ELP3: variants seen among roughly 807,000 people sequenced by gnomAD.
ELP3 encodes the protein elongator complex protein 3.
Under a neutral mutation model 74.9 loss-of-function variants are expected in ELP3, and 56 were observed. The observed-to-expected ratio is 0.75, with a 90% confidence interval of 0.60 to 0.93. The LOEUF (loss-of-function observed/expected upper bound fraction) is 0.93, where lower values mean the gene tolerates loss of function less well. Ranked by LOEUF, ELP3 falls within the 40% of genes least tolerant of loss-of-function variation. The probability of loss-of-function intolerance (pLI) is 0.00; values close to 1 mark genes in which losing one functional copy is unlikely to be tolerated. For synonymous variants in ELP3, 222 were observed against 239.8 expected, an observed-to-expected ratio of 0.93 and a Z score of 0.68; for missense variants, 573 against 686.5, an observed-to-expected ratio of 0.83 and a Z score of 1.85.
intron 10 of ELP3, among the ~76,000 whole-genome samples, chr8:28,153,109 T>C (rs188519939): frequency 4.9e-4 from 75 of 152,358 alleles, no homozygotes; most frequent in Non-Finnish European, 9.8e-4. Flanking sequence ...AGATGTCATA[T>C]CCTAGAAAAT....
chr8:28,180,676 G>A (rs188571502), intron 14 of ELP3, among the ~76,000 whole-genome samples: 1 of 152,260 alleles, frequency 6.6e-6, no homozygotes, highest in East Asian at 1.9e-4. Flanking sequence ...GGTGATGCTA[G>A]CTTCCTCCAA....
At chr8:28,149,614 A>G (rs1356453925) in intron 10 of ELP3, among the ~76,000 whole-genome samples, 1 of 152,192 alleles carries the variant, frequency 6.6e-6, no homozygotes, top group Non-Finnish European at 1.5e-5. Context: ...GGTCTCTTCA[A>G]AGAACCAGTT....
chr8:28,121,422 A>G (rs1585667479), intron 7 of ELP3, among the ~76,000 whole-genome samples: 4 of 151,114 alleles, frequency 2.6e-5, no homozygotes, highest in African/African-American at 7.3e-5. Context: ...TGGGCTCAAG[A>G]CATTCTCCTG....
chr8:28,187,474 C>T (rs1815284884), intron 14 of ELP3, among the ~76,000 whole-genome samples: 1 of 152,196 alleles, frequency 6.6e-6, no homozygotes, highest in Non-Finnish European at 1.5e-5. Context: ...GACCAGCATC[C>T]TCTCATTCTT....
At chr8:28,152,215 CCTT>C (rs1321269292) in intron 10 of ELP3, among the ~76,000 whole-genome samples, 2 of 152,138 alleles carry the variant, frequency 1.3e-5, no homozygotes, top group African/African-American at 2.4e-5. Context: ...AGAGTGTTGA[CCTT>C]CTATTTGTTC....
At chr8:28,172,080 T>G (rs1053952844) in intron 14 of ELP3, among the ~76,000 whole-genome samples, 2 of 152,110 alleles carry the variant, frequency 1.3e-5, no homozygotes, top group African/African-American at 4.8e-5. Flanking sequence ...AATTGGGAAG[T>G]ATGAGTCTCC....
chr8:28,097,151 C>A, intron 1 of ELP3, 68 bp from the exon 2 acceptor site: 1 of 1,107,550 alleles, frequency 9.0e-7, no homozygotes, highest in Non-Finnish European at 1.3e-6. Context: ...AAAACTGCTA[C>A]TAAATCAGAT....
chr8:28,099,816 C>T lies in ELP3; in HGVS notation c.120-12C>T, dbSNP rs753441537. ...ACCGTAATCTTGATAATGTGAGATG[C>T]TTTACTTTCAGGGTGAAAACCAAGA... On this transcript the variant is annotated splice_polypyrimidine_tract_variant and intron_variant, in intron 2 of 14. Transcript: ENST00000256398. 55 of 1,613,950 alleles carry T rather than the reference C, an allele frequency of 3.4e-5. No individual in the cohort carries two copies. The highest frequency in any genetic ancestry group is 4.6e-5 in the Non-Finnish European group (54 of 1,180,022).
intron 10 of ELP3, among the ~76,000 whole-genome samples, chr8:28,146,735 T>C (rs1813448142): frequency 6.6e-6 from 1 of 152,202 alleles, no homozygotes; most frequent in Non-Finnish European, 1.5e-5. Context: ...CTCTTTTCAT[T>C]TTCAGTGAAA....
intron 10 of ELP3, among the ~76,000 whole-genome samples, chr8:28,146,330 T>C (rs1026465773): frequency 1.3e-5 from 2 of 152,198 alleles, no homozygotes; most frequent in African/African-American, 4.8e-5. Flanking sequence ...CATGAAACAT[T>C]AGAATAGGAA....
chr8:28,177,653 C>T (rs1814815171), intron 14 of ELP3, among the ~76,000 whole-genome samples: 1 of 152,138 alleles, frequency 6.6e-6, no homozygotes, highest in African/African-American at 2.4e-5. Flanking sequence ...GATGTGGGCT[C>T]AATTTTAATT....
intron 7 of ELP3, among the ~76,000 whole-genome samples, chr8:28,120,114 T>G (rs1225312567): frequency 6.6e-6 from 1 of 152,190 alleles, no homozygotes; most frequent in Admixed American, 6.5e-5. Context: ...GGGGAATAAA[T>G]AGACATAGAA....
At chr8:28,119,573 TATATATATA>T (rs1812276211) in intron 7 of ELP3, among the ~76,000 whole-genome samples, 1 of 190 alleles carries the variant, frequency 5.3e-3, no homozygotes, top group Admixed American at 0.036. Flanking sequence ...TGTGGCGTTT[TATATATATA>T]TATATATATA....
intron 9 of ELP3, among the ~76,000 whole-genome samples, chr8:28,133,033 T>G (rs1032204745): frequency 2.0e-5 from 3 of 152,152 alleles, no homozygotes; most frequent in Non-Finnish European, 4.4e-5. Context: ...TATAACAATT[T>G]ATACTCATTT....
chr8:28,173,423 A>G (rs1163282882), intron 14 of ELP3, among the ~76,000 whole-genome samples: 2 of 151,704 alleles, frequency 1.3e-5, no homozygotes, highest in East Asian at 3.9e-4. Context: ...TAGAATTCTT[A>G]TTTCTGTACA....
intron 14 of ELP3, among the ~76,000 whole-genome samples, chr8:28,187,143 C>T (rs573639232): frequency 7.1e-4 from 108 of 152,260 alleles, no homozygotes; most frequent in Non-Finnish European, 1.2e-3. Flanking sequence ...CCTTGGCTCC[C>T]GTCACACCCC....
At chr8:28,091,680 G>A (rs2130322770), upstream of ELP3, among the ~76,000 whole-genome samples, 1 of 152,278 alleles carries the variant, frequency 6.6e-6, no homozygotes, top group South Asian at 2.1e-4. Context: ...TCCAAATTTT[G>A]CAAAATTTTG....
chr8:28,136,200 G>A (rs564821762), intron 9 of ELP3, among the ~76,000 whole-genome samples: 1 of 152,282 alleles, frequency 6.6e-6, no homozygotes, highest in South Asian at 2.1e-4. Context: ...GACCTCAGGT[G>A]ATCCACCTGC....
intron 14 of ELP3, among the ~76,000 whole-genome samples, chr8:28,170,211 C>T (rs1000490574): frequency 1.3e-5 from 2 of 152,192 alleles, no homozygotes; most frequent in Non-Finnish European, 2.9e-5. Flanking sequence ...TAAATTCCAT[C>T]TCTGTAAGGG....
Sources: allele counts gnomAD v4.1 joint callset (sites outside exome capture counted in the v4.1 genomes callset), GRCh38; gene constraint gnomAD v4.1.1; transcripts MANE v1.5; gene names NCBI Gene and HGNC (gene_info 2026-07-23, HGNC 2026-07-21).